The following GALNT1 variants were observed in gnomAD, a reference collection of about 807,000 sequenced individuals.
GALNT1 encodes the protein GalNAc transferase 1.
Under a neutral mutation model 65.7 loss-of-function variants are expected in GALNT1, and 17 were observed. The observed-to-expected ratio is 0.26, with a 90% CI of 0.18 to 0.39. The LOEUF is 0.39. Ranked by LOEUF, GALNT1 falls within the 10% of genes least tolerant of loss-of-function variation. GALNT1 has a pLI of 1.00. For missense variants in GALNT1, 460 were observed against 672.8 expected (o/e 0.68, Z 3.50); for synonymous variants, 210 against 219.7 (o/e 0.96, Z 0.39).
chr18:35,594,171 A>G (rs1223386247), intron 1 of GALNT1, among the ~76,000 whole-genome samples: 1 of 152,024 alleles, frequency 6.6e-6, no homozygotes, highest in East Asian at 1.9e-4. Flanking sequence ...GAAAGGGCTG[A>G]TGGCATTGGT....
chr18:35,703,654 C>T lies in GALNT1; in HGVS notation c.1533+11C>T, dbSNP rs2048205539. ...GAGTATGACCCAGTGGTAAGTTATG[C>T]AGTTGCCTATAGTAATAAAATTATG... On this transcript the variant is annotated intron_variant, in intron 11 of 11. Coordinates refer to ENST00000269195, the MANE Select transcript of GALNT1 (RefSeq NM_020474.4). 2 of 1,613,036 alleles carry T rather than the reference C, an allele frequency of 1.2e-6. No individual in the cohort carries two copies. The highest frequency in any genetic ancestry group is 1.7e-6 in the Non-Finnish European group (2 of 1,179,552).
intron 2 of GALNT1, 110 bp from the exon 3 acceptor site, chr18:35,663,518 A>G: frequency 8.9e-7 from 1 of 1,125,588 alleles, no homozygotes; most frequent in Non-Finnish European, 1.3e-6. Context: ...GGGCTCAGAA[A>G]GGGTTCTGGT....
intron 1 of GALNT1, among the ~76,000 whole-genome samples, chr18:35,585,042 A>G (rs2046364241): frequency 2.0e-5 from 3 of 152,230 alleles, no homozygotes; most frequent in Admixed American, 1.3e-4. Context: ...ATTTGTGATT[A>G]TTGCTACACA....
intron 9 of GALNT1, among the ~76,000 whole-genome samples, chr18:35,697,287 T>C (rs374711697): frequency 1.2e-4 from 19 of 152,292 alleles, no homozygotes; most frequent in East Asian, 7.7e-4. Flanking sequence ...TATAGCAGTG[T>C]TTTTAATTCT....
chr18:35,607,331 CCTT>C (rs1213892401), intron 1 of GALNT1, among the ~76,000 whole-genome samples: 1 of 152,014 alleles, frequency 6.6e-6, no homozygotes, highest in East Asian at 1.9e-4. Context: ...AGACACTAAT[CCTT>C]CTGCTGGGGT....
intron 1 of GALNT1, among the ~76,000 whole-genome samples, chr18:35,614,596 T>C (rs2046759543): frequency 6.6e-6 from 1 of 152,142 alleles, no homozygotes; most frequent in Non-Finnish European, 1.5e-5. Context: ...TATGAGTTAG[T>C]GCAGTAAAGC....
intron 11 of GALNT1, 123 bp downstream of exon 11, chr18:35,703,766 C>G: frequency 1.1e-6 from 1 of 872,928 alleles, no homozygotes; most frequent in Non-Finnish European, 1.7e-6. Context: ...GTCTTATACA[C>G]TAAATATTGA....
chr18:35,630,355 C>G (rs915972655), intron 1 of GALNT1, among the ~76,000 whole-genome samples: 1 of 152,206 alleles, frequency 6.6e-6, no homozygotes, highest in Non-Finnish European at 1.5e-5. Flanking sequence ...CAAACTGTCT[C>G]TCAGACCACA....
intron 9 of GALNT1, among the ~76,000 whole-genome samples, chr18:35,698,128 G>T (rs1015935754): frequency 6.6e-6 from 1 of 152,302 alleles, no homozygotes; most frequent in Non-Finnish European, 1.5e-5. Context: ...TCTCCTATGT[G>T]TCAGCATCTA....
At chr18:35,665,626 G>A (rs755869198) in intron 3 of GALNT1, among the ~76,000 whole-genome samples, 126 of 152,286 alleles carry the variant, frequency 8.3e-4, no homozygotes, top group Admixed American at 1.3e-3. Context: ...CTTAAGAGGC[G>A]AAAGAAGGTC....
intron 5 of GALNT1, among the ~76,000 whole-genome samples, chr18:35,684,887 A>G (rs2047843909): frequency 6.6e-6 from 1 of 152,230 alleles, no homozygotes; most frequent in Admixed American, 6.5e-5. Flanking sequence ...GTCCTGCCTC[A>G]GGTGAGAAGG....
intron 1 of GALNT1, among the ~76,000 whole-genome samples, chr18:35,648,027 A>G (rs753770208): frequency 3.3e-5 from 4 of 119,460 alleles, no homozygotes; most frequent in Non-Finnish European, 7.1e-5. Flanking sequence ...ACAAAAAGAG[A>G]AGAAGAAGAA....
intron 1 of GALNT1, among the ~76,000 whole-genome samples, chr18:35,598,394 C>G (rs1377494742): frequency 1.3e-5 from 2 of 152,016 alleles, no homozygotes; most frequent in East Asian, 3.9e-4. Flanking sequence ...TCCTCCCTAC[C>G]CTTCCCAGCC....
intron 1 of GALNT1, among the ~76,000 whole-genome samples, chr18:35,651,375 A>C (rs1253562359): frequency 6.6e-6 from 1 of 152,220 alleles, no homozygotes; most frequent in Non-Finnish European, 1.5e-5. Flanking sequence ...AAAAAACTTC[A>C]AAATGTAATT....
intron 11 of GALNT1, 81 bp from the exon 12 acceptor site, chr18:35,709,543 C>T (rs1341987117): frequency 6.8e-6 from 10 of 1,468,248 alleles, no homozygotes; most frequent in Non-Finnish European, 9.3e-6. Context: ...ACCTTTTCTG[C>T]AGAGGAACTT....
intron 2 of GALNT1, 52 bp downstream of exon 2, chr18:35,654,853 T>C: frequency 7.3e-7 from 1 of 1,373,218 alleles, no homozygotes; most frequent in Non-Finnish European, 9.6e-7. Flanking sequence ...CACTGGTTTT[T>C]ACTAACTAAT....
intron 1 of GALNT1, among the ~76,000 whole-genome samples, chr18:35,616,585 A>G (rs1465641460): frequency 6.6e-6 from 1 of 152,118 alleles, no homozygotes; most frequent in African/African-American, 2.4e-5. Context: ...CCTCACCTGA[A>G]GTCTTGAGTA....
intron 2 of GALNT1, 56 bp from the exon 3 acceptor site, chr18:35,663,572 A>G (rs3744989): frequency 0.18 from 279,834 of 1,513,536 alleles, 28,176 homozygotes; most frequent in African/African-American, 0.36. Flanking sequence ...AAATAGAATC[A>G]TGAATCAATC....
At chr18:35,601,691 G>A (rs1486005545) in intron 1 of GALNT1, among the ~76,000 whole-genome samples, 1 of 152,172 alleles carries the variant, frequency 6.6e-6, no homozygotes, top group Non-Finnish European at 1.5e-5. Context: ...AATTTGTTGA[G>A]ACTTGTTTTG....
Sources: gnomAD v4.1 joint callset for allele counts (sites outside exome capture counted in the v4.1 genomes callset) on GRCh38, gnomAD v4.1.1 for gene constraint, MANE v1.5 for transcripts, NCBI Gene and HGNC (gene_info 2026-07-23, HGNC 2026-07-21) for gene names.